Variants in TEX9 observed in about 807,000 individuals in gnomAD.
TEX9 encodes the protein testis expressed 9.
In TEX9, 74 loss-of-function variants were observed where a neutral mutation model predicts 59.6. The observed-to-expected ratio is 1.24, with a 90% CI of 1.03 to 1.51. TEX9 has a LOEUF of 1.51. Among genes scored for constraint, TEX9 ranks in the 40% most tolerant of loss-of-function variants. TEX9 has a pLI of 0.00. For missense variants in TEX9, 522 were observed against 447.8 expected (o/e 1.17, Z -1.49); for synonymous variants, 186 against 152.2 (o/e 1.22, Z -1.64).
chr15:56,422,284 C>A (rs923621914), intron 10 of TEX9, among the ~76,000 whole-genome samples: 7 of 151,382 alleles, frequency 4.6e-5, no homozygotes, highest in African/African-American at 1.2e-4. Flanking sequence ...ATAAAAAAAT[C>A]CAATCTGACA....
intron 1 of TEX9, among the ~76,000 whole-genome samples, chr15:56,336,792 G>C (rs553395952): frequency 2.3e-4 from 35 of 152,242 alleles, no homozygotes; most frequent in African/African-American, 8.4e-4. Context: ...CAAGGGAATT[G>C]GGCCCTTATA....
At chr15:56,357,811 C>T (rs1036578612) in intron 1 of TEX9, among the ~76,000 whole-genome samples, 2 of 152,052 alleles carry the variant, frequency 1.3e-5, no homozygotes, top group Admixed American at 6.6e-5. Context: ...TGTTGTGATT[C>T]TGTCCCTTAT....
At chr15:56,437,213 G>A (rs942228355) in intron 12 of TEX9, among the ~76,000 whole-genome samples, 4 of 151,938 alleles carry the variant, frequency 2.6e-5, no homozygotes, top group East Asian at 3.9e-4. Context: ...GCAAAACTCC[G>A]CAATAAAATA....
In TEX9 at chr15:56,317,826, C is replaced by T. The variant is rs189735849; in HGVS notation, c.-106-55615C>T. ...ACATATCTGAGAATTTTCCAAATTT[C>T]CTTCTCTTATTGATTTTTAATTTTA... is the stretch of plus-strand genomic sequence containing the variant. On this transcript the variant is annotated intron_variant, in intron 1 of 5. Coordinates refer to the TEX9 transcript ENST00000560827. Among the ~76,000 whole-genome samples the T allele has an allele frequency of 6.7e-3, 1,015 of 152,100 alleles. 9 individuals are homozygous for T. The highest frequency in any genetic ancestry group is 0.011 in the Non-Finnish European group (748 of 67,930).
intron 9 of TEX9, among the ~76,000 whole-genome samples, chr15:56,404,682 C>T (rs1358723373): frequency 2.0e-5 from 3 of 152,134 alleles, no homozygotes; most frequent in African/African-American, 4.8e-5. Flanking sequence ...CACATGCACA[C>T]GTATGTTTAT....
chr15:56,367,008 A>G (rs1313998356), intron 2 of TEX9, among the ~76,000 whole-genome samples: 1 of 152,180 alleles, frequency 6.6e-6, no homozygotes, highest in East Asian at 1.9e-4. Flanking sequence ...TTTCATTATC[A>G]TTAACCATAT....
At chr15:56,262,729 G>T (rs889250651) in intron 1 of TEX9, among the ~76,000 whole-genome samples, 4 of 152,084 alleles carry the variant, frequency 2.6e-5, no homozygotes, top group African/African-American at 9.7e-5. Flanking sequence ...TTAAGATTTT[G>T]TCTGTTTTTC....
upstream of TEX9, among the ~76,000 whole-genome samples, chr15:56,365,179 TGCCTGTTTTG>T (rs1472691128): frequency 3.3e-5 from 5 of 152,230 alleles, no homozygotes; most frequent in African/African-American, 1.2e-4. Context: ...GCAAAGGACC[TGCCTGTTTTG>T]GCTGAAACTC....
At chr15:56,421,639 C>T (rs1161468896) in intron 10 of TEX9, 1 of 151,770 alleles carries the variant, frequency 6.6e-6, no homozygotes, top group Non-Finnish European at 1.5e-5. Context: ...AATCCAGTCT[C>T]CAGAGTGTGA....
intron 1 of TEX9, among the ~76,000 whole-genome samples, chr15:56,280,020 A>G (rs1286861580): frequency 1.3e-5 from 2 of 152,232 alleles, no homozygotes; most frequent in African/African-American, 4.8e-5. Flanking sequence ...ATAAGGGCAA[A>G]CAACTGATAT....
intron 1 of TEX9, among the ~76,000 whole-genome samples, chr15:56,314,640 G>A (rs1371139749): frequency 6.6e-6 from 1 of 152,118 alleles, no homozygotes; most frequent in Admixed American, 6.5e-5. Flanking sequence ...ATTTGGGGTG[G>A]AGAGTTCTGT....
intron 1 of TEX9, among the ~76,000 whole-genome samples, chr15:56,317,246 T>G (rs1354747745): frequency 6.6e-6 from 1 of 152,266 alleles, no homozygotes; most frequent in Admixed American, 6.5e-5. Flanking sequence ...GATTTTCTCT[T>G]TATTCTCAAG....
chr15:56,412,571 C>A, intron 10 of TEX9, 135 bp downstream of exon 10: 1 of 994,136 alleles, frequency 1.0e-6, no homozygotes, highest in Non-Finnish European at 1.4e-6. Context: ...GAAATATATT[C>A]ATTAGCAGTA....
At chr15:56,337,479 G>C (rs1389603717) in intron 1 of TEX9, among the ~76,000 whole-genome samples, 1 of 152,196 alleles carries the variant, frequency 6.6e-6, no homozygotes, top group East Asian at 1.9e-4. Context: ...GCCTGAGTCT[G>C]TGCAAGCAAC....
chr15:56,279,021 T>A (rs752130005), intron 1 of TEX9, among the ~76,000 whole-genome samples: 14 of 152,222 alleles, frequency 9.2e-5, no homozygotes, highest in Admixed American at 2.0e-4. Flanking sequence ...TTATTTATTT[T>A]TCCTCTAATT....
At chr15:56,377,410 G>T (rs1424360916) in intron 3 of TEX9, among the ~76,000 whole-genome samples, 2 of 151,944 alleles carry the variant, frequency 1.3e-5, no homozygotes, top group Non-Finnish European at 2.9e-5. Flanking sequence ...CCATTTTTTT[G>T]TGTCCTCTTC....
the TEX9 span, chr15:56,456,597 A>G: frequency 1.3e-6 from 2 of 1,486,060 alleles, no homozygotes; most frequent in Non-Finnish European, 1.8e-6. Context: ...TTGTTTTATA[A>G]CAGAAAACTA....
chr15:56,430,952 A>G (rs2050574210), intron 12 of TEX9, among the ~76,000 whole-genome samples: 1 of 152,112 alleles, frequency 6.6e-6, no homozygotes. Context: ...CCTGAGGCCA[A>G]GAGTTCAAGA....
chr15:56,375,668 A>C (rs2047405286), intron 3 of TEX9, among the ~76,000 whole-genome samples: 2 of 152,190 alleles, frequency 1.3e-5, no homozygotes, highest in African/African-American at 2.4e-5. Flanking sequence ...TTAAGTCTTT[A>C]ATCCATCTTG....
Sources: gnomAD v4.1 joint callset for allele counts (sites outside exome capture counted in the v4.1 genomes callset) on GRCh38, gnomAD v4.1.1 for gene constraint, MANE v1.5 for transcripts, NCBI Gene and HGNC (gene_info 2026-07-23, HGNC 2026-07-21) for gene names.